Variants in PCDHGA10 observed in about 807,000 individuals in gnomAD.
PCDHGA10 encodes protocadherin gamma-A10.
PCDHGA10 carries 42 observed loss-of-function variants against 59.5 expected under a neutral mutation model. The observed-to-expected ratio is 0.71, with a 90% confidence interval of 0.55 to 0.91. The LOEUF is 0.91. Ranked by LOEUF, PCDHGA10 falls within the 40% of genes least tolerant of loss-of-function variation. The pLI is 0.00. For missense variants in PCDHGA10, 1,111 were observed against 1,198.2 expected (o/e 0.93, Z 1.07); for synonymous variants, 511 against 517.2 (o/e 0.99, Z 0.16).
chr5:141,481,066 A>G (rs1366968394), intron 1 of PCDHGA10, among the ~76,000 whole-genome samples: 1 of 152,156 alleles, frequency 6.6e-6, no homozygotes, highest in Non-Finnish European at 1.5e-5. Flanking sequence ...TCAAAAACAA[A>G]AAGAAAGAAA....
At chr5:141,488,855 C>T (rs1441666819) in intron 1 of PCDHGA10, among the ~76,000 whole-genome samples, 2 of 152,190 alleles carry the variant, frequency 1.3e-5, no homozygotes, top group Non-Finnish European at 1.5e-5. Context: ...ACCTGCAGCA[C>T]GAAGTGAGTG....
rs561569572 is a variant in PCDHGA10, at chr5:141,512,054, C to A, written c.*881C>A. 6.5e-6 allele frequency: 1 copy of A among 152,828 alleles called. No individual in the cohort carries two copies. The highest frequency in any genetic ancestry group is 1.9e-4 in the East Asian group (1 of 5,184). The allele number at this position is 152,828 out of a possible 1,614,324, so 9.5% of individuals were successfully genotyped here. On this transcript the variant is annotated 3_prime_UTR_variant, in exon 4 of 4. Coordinates refer to ENST00000398610, the MANE Select transcript of PCDHGA10 (RefSeq NM_018913.3). Reference sequence around the variant, plus strand: ...GGAGGCTCTGTATGTCCTCAGGGGACTGACAACATCCTCCAGATTCCAGCC... The same window carrying A: ...GGAGGCTCTGTATGTCCTCAGGGGAATGACAACATCCTCCAGATTCCAGCC...
At chr5:141,506,462 AAAAG>A (rs1396142744) in intron 3 of PCDHGA10, among the ~76,000 whole-genome samples, 1 of 151,856 alleles carries the variant, frequency 6.6e-6, no homozygotes, top group African/African-American at 2.4e-5. Flanking sequence ...AAAAAAAAAA[AAAAG>A]AGCACAGGCT....
chr5:141,453,214 A>T (rs1174586625), intron 1 of PCDHGA10, among the ~76,000 whole-genome samples: 2 of 152,058 alleles, frequency 1.3e-5, no homozygotes, highest in African/African-American at 4.8e-5. Flanking sequence ...CGTGCACTTA[A>T]GCGATCCTCC....
Position 141,432,083 on chromosome 5 carries a change from G to T in PCDHGA10, c.2436+16472G>T, listed in dbSNP as rs1221754474. On this transcript the variant is annotated intron_variant, in intron 1 of 3. Transcript: ENST00000398610. The surrounding 1 kb of genome is among the most constrained non-coding windows in gnomAD (Gnocchi z 6.0). ...CACGGAAACTCATATCTCGCTGAAC[G>T]TGGCAGACACCAACGACAACCCGCC... The T allele has an allele frequency of 1.9e-6, 3 of 1,614,040 alleles. No individual in the cohort carries two copies. The highest frequency in any genetic ancestry group is 2.7e-5 in the African/African-American group (2 of 74,910).
chr5:141,503,598 CAAAAA>C (rs765754054), intron 2 of PCDHGA10, among the ~76,000 whole-genome samples: 1 of 65,760 alleles, frequency 1.5e-5, no homozygotes, highest in African/African-American at 4.7e-5. Context: ...GACTCCAGCT[CAAAAA>C]AAAAAAAAAA....
chr5:141,502,866 CTT>C (rs549047197), intron 2 of PCDHGA10, among the ~76,000 whole-genome samples: 3 of 127,996 alleles, frequency 2.3e-5, no homozygotes, highest in Admixed American at 8.6e-5. Flanking sequence ...GACTCTCTGT[CTT>C]TTTTTTTTTT....
rs777780708 is a variant in PCDHGA10, at chr5:141,489,934, G to C, written c.2437-4873G>C. ...AGGGACCACCCTTATCTCTGTCATC[G>C]TGCTGGACATCAATGATAATGCTCC... On this transcript the variant is annotated intron_variant, in intron 1 of 3. Transcript: ENST00000398610. The surrounding 1 kb of genome is among the most constrained non-coding windows in gnomAD (Gnocchi z 4.5). The C allele has an allele frequency of 1.4e-5, 23 of 1,614,176 alleles. No homozygotes were observed. Among genetic ancestry groups the C allele is most frequent in the Non-Finnish European group, 1.8e-5 (21 of 1,180,030 alleles).
intron 2 of PCDHGA10, among the ~76,000 whole-genome samples, chr5:141,503,598 C>CAA (rs765754054): frequency 1.5e-4 from 10 of 65,698 alleles, no homozygotes; most frequent in African/African-American, 2.3e-4. Context: ...GACTCCAGCT[C>CAA]AAAAAAAAAA....
intron 1 of PCDHGA10, among the ~76,000 whole-genome samples, chr5:141,438,396 A>T (rs1026490705): frequency 6.6e-6 from 1 of 150,930 alleles, no homozygotes. Context: ...TTCATCATTA[A>T]CTCTCTGAAG....
chr5:141,478,337 T>C (rs766980546), intron 1 of PCDHGA10: 1 of 1,613,942 alleles, frequency 6.2e-7, no homozygotes, highest in Non-Finnish European at 8.5e-7. Context: ...ACCAGGGCCC[T>C]CCTTGCACGC....
At chr5:141,468,924 C>G (rs1434433938) in intron 1 of PCDHGA10, among the ~76,000 whole-genome samples, 1 of 150,520 alleles carries the variant, frequency 6.6e-6, no homozygotes, top group Non-Finnish European at 1.5e-5. Context: ...GAGAATAGCA[C>G]TAAAATGGGA....
intron 2 of PCDHGA10, among the ~76,000 whole-genome samples, chr5:141,502,576 T>C (rs1226513508): frequency 6.6e-6 from 1 of 152,168 alleles, no homozygotes; most frequent in African/African-American, 2.4e-5. Flanking sequence ...ATTATAAAAA[T>C]ATATTTTTAT....
At chr5:141,442,754 T>C (rs2098341364) in intron 1 of PCDHGA10, among the ~76,000 whole-genome samples, 1 of 152,220 alleles carries the variant, frequency 6.6e-6, no homozygotes, top group Non-Finnish European at 1.5e-5. Flanking sequence ...GTTTTGATTA[T>C]ATATATTTGT....
At chr5:141,502,074 C>G (rs73794927) in intron 2 of PCDHGA10, among the ~76,000 whole-genome samples, 1,657 of 152,272 alleles carry the variant, frequency 0.011, 27 homozygotes, top group African/African-American at 0.037. Flanking sequence ...CCCCCTTCAC[C>G]TGGGGCTGAG....
rs773174763 is a variant in PCDHGA10 at position 141,477,409 on chromosome 5, C to T, written c.2437-17398C>T. The T allele has an allele frequency of 1.4e-5, 22 of 1,614,058 alleles. No homozygotes were observed. The highest frequency in any genetic ancestry group is 1.7e-5 in the Admixed American group (1 of 60,006). On this transcript the variant is annotated intron_variant, in intron 1 of 3. Transcript: ENST00000398610. This position sits in a 1 kb window ranked among gnomAD's most constrained non-coding sequence, Gnocchi z 4.9. ...ACAACCTCAGCATCACCGCCCGAGA[C>T]GCCGGAACCCCTTCCCTCTCAGCCC...
At chr5:141,418,604 G>A in intron 1 of PCDHGA10, 2 of 1,614,040 alleles carry the variant, frequency 1.2e-6, no homozygotes, top group Non-Finnish European at 1.7e-6. Context: ...CGTGTACAGG[G>A]TTAGCCTTCG....
rs764586891 is a variant in PCDHGA10, at chr5:141,477,616, A to G, written c.2437-17191A>G. On this transcript the variant is annotated intron_variant, in intron 1 of 3. Coordinates refer to ENST00000398610, the MANE Select transcript of PCDHGA10 (RefSeq NM_018913.3). This position sits in a 1 kb window ranked among gnomAD's most constrained non-coding sequence, Gnocchi z 4.9. ...TTTCTTTCTTTCTCTTGGAGCAAGGAGCTGAAACCGGGCTAGTGGGTCGCT... is the reference window on the plus strand; with the variant it reads ...TTTCTTTCTTTCTCTTGGAGCAAGGGGCTGAAACCGGGCTAGTGGGTCGCT... The G allele has an allele frequency of 1.2e-6, 2 of 1,614,068 alleles. No individual in the cohort carries two copies. Among genetic ancestry groups the G allele is most frequent in the African/African-American group, 2.7e-5 (2 of 74,924 alleles).
At chr5:141,450,551 G>T (rs2098684306) in intron 1 of PCDHGA10, among the ~76,000 whole-genome samples, 1 of 150,822 alleles carries the variant, frequency 6.6e-6, no homozygotes, top group Admixed American at 6.6e-5. Flanking sequence ...CAGTGGCGCA[G>T]TCTCGGCTCA....
Sources: allele counts gnomAD v4.1 joint callset (sites outside exome capture counted in the v4.1 genomes callset), GRCh38; gene constraint gnomAD v4.1.1; non-coding constraint Gnocchi (gnomAD v3.1); transcripts MANE v1.5; gene names NCBI Gene and HGNC (gene_info 2026-07-23, HGNC 2026-07-21).